The following GLI3 variants were observed in gnomAD, a reference collection of about 807,000 sequenced individuals.
The protein encoded by GLI3 is transcription activator GLI3.
In GLI3, 20 loss-of-function variants were observed where a neutral mutation model predicts 100.8. The observed-to-expected ratio is 0.20, with a 90% CI of 0.14 to 0.29. The LOEUF is 0.29. Among genes scored for constraint, GLI3 ranks in the 10% least tolerant of loss-of-function variants. The probability of loss-of-function intolerance (pLI) is 1.00; values close to 1 mark genes in which losing one functional copy is unlikely to be tolerated. For missense variants in GLI3, 2,040 were observed against 2,128.5 expected, an observed-to-expected ratio of 0.96 and a Z score of 0.82; for synonymous variants, 938 against 860.5, an observed-to-expected ratio of 1.09 and a Z score of -1.58.
intron 1 of GLI3, among the ~76,000 whole-genome samples, chr7:42,262,980 A>G (rs886805959): frequency 6.6e-6 from 1 of 151,544 alleles, no homozygotes; most frequent in African/African-American, 2.4e-5. Context: ...TTAATACCAC[A>G]GGATATGGTC....
At chr7:42,252,627 GA>G (rs1789045824) in intron 1 of GLI3, among the ~76,000 whole-genome samples, 1 of 152,188 alleles carries the variant, frequency 6.6e-6, no homozygotes, top group Non-Finnish European at 1.5e-5. Context: ...TGCTTGCTGA[GA>G]AAGCTACGTT....
At chr7:42,037,230 CCT>C (rs778645820) in intron 7 of GLI3, among the ~76,000 whole-genome samples, 1 of 152,138 alleles carries the variant, frequency 6.6e-6, no homozygotes, top group Non-Finnish European at 1.5e-5. Flanking sequence ...GTGCACCTGC[CCT>C]GTTAGTCAGC....
At chr7:42,248,147 A>G (rs1171043511) in intron 1 of GLI3, among the ~76,000 whole-genome samples, 1 of 152,218 alleles carries the variant, frequency 6.6e-6, no homozygotes, top group African/African-American at 2.4e-5. Context: ...GTCCTTTCCT[A>G]AAGACCCCCA....
chr7:42,217,508 G>GA (rs552578322), intron 2 of GLI3, among the ~76,000 whole-genome samples: 219 of 152,292 alleles, frequency 1.4e-3, no homozygotes, highest in African/African-American at 4.9e-3. Flanking sequence ...AAAGAATCAA[G>GA]AAAAAGGATG....
At chr7:41,983,849 C>G (rs1413900298) in intron 10 of GLI3, among the ~76,000 whole-genome samples, 1 of 152,158 alleles carries the variant, frequency 6.6e-6, no homozygotes, top group Non-Finnish European at 1.5e-5. Context: ...CCAATTGGGG[C>G]TCCAAGCATT....
At chr7:42,242,419 A>G (rs1788934716), upstream of GLI3, among the ~76,000 whole-genome samples, 1 of 152,198 alleles carries the variant, frequency 6.6e-6, no homozygotes, top group Non-Finnish European at 1.5e-5. Flanking sequence ...GGTTTTACCA[A>G]ATCTTTCCGA....
chr7:41,978,829 T>C (rs1787579086), intron 10 of GLI3, 81 bp from the exon 11 acceptor site: 2 of 1,234,814 alleles, frequency 1.6e-6, no homozygotes, highest in South Asian at 2.5e-5. Flanking sequence ...ATGCAGAAAA[T>C]ACCCCAATCT....
intron 10 of GLI3, among the ~76,000 whole-genome samples, chr7:42,008,588 C>T (rs535176464): frequency 6.6e-6 from 1 of 152,244 alleles, no homozygotes; most frequent in South Asian, 2.1e-4. Context: ...GGACTATAGG[C>T]GCAAACCACA....
chr7:42,111,933 G>A (rs1247258408), intron 3 of GLI3, among the ~76,000 whole-genome samples: 1 of 152,154 alleles, frequency 6.6e-6, no homozygotes, highest in Non-Finnish European at 1.5e-5. Flanking sequence ...GGCCACCCTA[G>A]TGCTTAGCTC....
At chr7:42,237,609 A>G (rs1788840773), upstream of GLI3, among the ~76,000 whole-genome samples, 1 of 148,900 alleles carries the variant, frequency 6.7e-6, no homozygotes, top group African/African-American at 2.5e-5. Context: ...CCAAGTTTTA[A>G]CAGATGTTGC....
At chr7:42,043,570 C>T (rs1784185958) in intron 6 of GLI3, among the ~76,000 whole-genome samples, 1 of 152,172 alleles carries the variant, frequency 6.6e-6, no homozygotes, top group Admixed American at 6.5e-5. Flanking sequence ...TTTTGTTTCC[C>T]TATTCTAATA....
intron 1 of GLI3, among the ~76,000 whole-genome samples, chr7:42,254,348 C>T (rs1286937238): frequency 3.3e-5 from 5 of 151,886 alleles, no homozygotes. Flanking sequence ...GAGGCCATAG[C>T]GAAAGAGTGG....
At chr7:42,082,709 T>A (rs1785023075) in intron 3 of GLI3, among the ~76,000 whole-genome samples, 1 of 152,142 alleles carries the variant, frequency 6.6e-6, no homozygotes, top group South Asian at 2.1e-4. Flanking sequence ...GTAATGCAAG[T>A]TTAAAGAAGC....
chr7:42,209,886 C>T (rs1012418253), intron 2 of GLI3, among the ~76,000 whole-genome samples: 2 of 133,370 alleles, frequency 1.5e-5, no homozygotes, highest in Non-Finnish European at 3.1e-5. Flanking sequence ...GAATTCTAAT[C>T]ATTTGACCTA....
At position 42,045,468 on chromosome 7, in the gene GLI3, G is replaced by A. The variant is rs1025335707; in HGVS notation, c.742C>T (p.Arg248Cys). The change falls in exon 6 of 15, where the codon CGC (arginine) becomes TGC (cysteine). Residue 248 changes from arginine (R) to cysteine (C), a missense_variant. Physicochemically the swap from Arg to Cys is radical, Grantham distance 180. This residue lies in a region of GLI3 where 603 missense variants were observed against 690.9 expected (regional missense o/e 0.87). Coordinates refer to ENST00000395925, the MANE Select transcript of GLI3 (RefSeq NM_000168.6). ...GGAATAATGTCTGCATAGGGGCTGCGCTGGCCAGTTAGCAGGGCCATCTGA... is the reference window on the plus strand; with the variant it reads ...GGAATAATGTCTGCATAGGGGCTGCACTGGCCAGTTAGCAGGGCCATCTGA... ...YHQMALLTGQ[R>C]SPYADIIPSA... 5 of 1,613,700 alleles carry A rather than the reference G, an allele frequency of 3.1e-6. No homozygotes were observed. In the African/African-American group the frequency reaches 4.0e-5, roughly 13 times the overall value.
chr7:42,008,278 G>A (rs889128052), intron 10 of GLI3, among the ~76,000 whole-genome samples: 5 of 152,244 alleles, frequency 3.3e-5, no homozygotes, highest in African/African-American at 1.2e-4. Flanking sequence ...GCCTAAATCT[G>A]TCTCCCTATG....
chr7:42,206,567 A>T (rs1788157855), intron 2 of GLI3, among the ~76,000 whole-genome samples: 1 of 152,204 alleles, frequency 6.6e-6, no homozygotes, highest in African/African-American at 2.4e-5. Flanking sequence ...CATACATATG[A>T]ATTCAATAAG....
At chr7:42,145,622 GAA>G (rs59890189) in intron 3 of GLI3, 115 of 356,190 alleles carry the variant, frequency 3.2e-4, no homozygotes, top group East Asian at 3.2e-3. Context: ...AAGAAAGAAA[GAA>G]AAAAAAAAAA....
At chr7:42,046,049 T>C (rs146169152) in intron 5 of GLI3, among the ~76,000 whole-genome samples, 241 of 152,368 alleles carry the variant, frequency 1.6e-3, no homozygotes, top group African/African-American at 5.5e-3. Context: ...AACTGAATGA[T>C]AAGCTACAAT....
Sources: allele counts gnomAD v4.1 joint callset (sites outside exome capture counted in the v4.1 genomes callset), GRCh38; gene constraint gnomAD v4.1.1; regional missense constraint gnomAD v4.1.1; transcripts MANE v1.5; gene names NCBI Gene and HGNC (gene_info 2026-07-23, HGNC 2026-07-21).